The following AFF3 variants were observed in gnomAD, a reference collection of about 807,000 sequenced individuals.
The protein encoded by AFF3 is AF4/FMR2 family member 3.
In AFF3, 32 loss-of-function variants were observed where a neutral mutation model predicts 129.7. That is an observed-to-expected ratio of 0.25 (90% CI 0.19 to 0.33). The LOEUF (loss-of-function observed/expected upper bound fraction) is 0.33, where lower values mean the gene tolerates loss of function less well. Among genes scored for constraint, AFF3 ranks in the 10% least tolerant of loss-of-function variants. AFF3 has a pLI of 1.00. For synonymous variants in AFF3, 644 were observed against 635.4 expected, an observed-to-expected ratio of 1.01 and a Z score of -0.20; for missense variants, 1,373 against 1,592.0, an observed-to-expected ratio of 0.86 and a Z score of 2.34.
At chr2:100,089,050 C>T (rs980908516) in intron 4 of AFF3, among the ~76,000 whole-genome samples, 3 of 152,240 alleles carry the variant, frequency 2.0e-5, no homozygotes, top group Non-Finnish European at 4.4e-5. Context: ...GGCCTGAATA[C>T]AGACCCTGCC....
chr2:99,952,681 T>C (rs1050600738), intron 7 of AFF3, among the ~76,000 whole-genome samples: 8 of 152,234 alleles, frequency 5.3e-5, no homozygotes, highest in African/African-American at 1.9e-4. Flanking sequence ...ATACTATTTA[T>C]GATGAAAAGG....
At chr2:99,665,013 C>T (rs1057364280) in intron 12 of AFF3, among the ~76,000 whole-genome samples, 3 of 152,156 alleles carry the variant, frequency 2.0e-5, no homozygotes, top group African/African-American at 7.2e-5. Flanking sequence ...GTTAGCAAGG[C>T]AAAAGTGAGG....
At chr2:100,124,194 G>A (rs773142027) in intron 2 of AFF3, among the ~76,000 whole-genome samples, 2 of 152,076 alleles carry the variant, frequency 1.3e-5, no homozygotes, top group Admixed American at 6.6e-5. Flanking sequence ...TTGAAGATGC[G>A]TCTAGGAGAT....
intron 7 of AFF3, among the ~76,000 whole-genome samples, chr2:99,896,768 T>G (rs1693999859): frequency 6.6e-6 from 1 of 151,444 alleles, no homozygotes; most frequent in Non-Finnish European, 1.5e-5. Context: ...CCCCACTAGC[T>G]GGGACTACAG....
intron 11 of AFF3, among the ~76,000 whole-genome samples, chr2:99,697,728 T>C (rs1676435488): frequency 6.6e-6 from 1 of 152,222 alleles, no homozygotes; most frequent in African/African-American, 2.4e-5. Context: ...GTTCTAGCCC[T>C]AGTTCTGGTG....
chr2:99,804,844 T>C (rs1471647006), intron 8 of AFF3, among the ~76,000 whole-genome samples: 3 of 152,128 alleles, frequency 2.0e-5, no homozygotes, highest in Non-Finnish European at 4.4e-5. Flanking sequence ...GAAAACCAAG[T>C]ACCCTATATT....
chr2:99,777,620 A>G (rs1303817074), intron 8 of AFF3, among the ~76,000 whole-genome samples: 1 of 152,196 alleles, frequency 6.6e-6, no homozygotes, highest in Non-Finnish European at 1.5e-5. Flanking sequence ...GATGTTATGT[A>G]CAAGGCTCTT....
intron 4 of AFF3, among the ~76,000 whole-genome samples, chr2:100,076,987 A>G (rs532271804): frequency 1.1e-4 from 17 of 152,212 alleles, no homozygotes; most frequent in Admixed American, 7.8e-4. Flanking sequence ...AGTGGCTCAC[A>G]CCTGTAATCC....
rs1674384047 is a variant in AFF3, at chr2:99,551,243, CA to C, written c.*230del. The C allele has an allele frequency of 1.7e-6, 1 of 586,914 alleles. No individual in the cohort carries two copies. Among genetic ancestry groups the C allele is most frequent in the South Asian group, 2.5e-5 (1 of 40,322 alleles). The allele number at this position is 586,914 out of a possible 1,614,324, so 36.4% of individuals were successfully genotyped here. On this transcript the variant is annotated 3_prime_UTR_variant, in exon 25 of 25. Coordinates refer to ENST00000672756, the MANE Select transcript of AFF3 (RefSeq NM_001386135.1). ...CTAGCCTGGGATTATGGAAACTAGA[CA>C]AAGAAGGTGTGTTCTGAAGAGCTGT...
At chr2:99,660,762 C>A (rs1326792877) in intron 12 of AFF3, among the ~76,000 whole-genome samples, 1 of 152,204 alleles carries the variant, frequency 6.6e-6, no homozygotes, top group Non-Finnish European at 1.5e-5. Context: ...GCCTAACATT[C>A]TAGCCACTAT....
intron 10 of AFF3, among the ~76,000 whole-genome samples, chr2:99,738,673 C>T (rs771654666): frequency 2.6e-5 from 4 of 152,090 alleles, no homozygotes; most frequent in East Asian, 1.9e-4. Context: ...ATCAGTATTC[C>T]GATCAATTTT....
At chr2:99,786,907 A>C (rs1235942949) in intron 8 of AFF3, among the ~76,000 whole-genome samples, 1 of 152,112 alleles carries the variant, frequency 6.6e-6, no homozygotes, top group Non-Finnish European at 1.5e-5. Flanking sequence ...AATGCTTCTC[A>C]TACCATCTTA....
rs576795043 is a variant in AFF3 at position 99,928,142 on chromosome 2, C to T, written c.873+78490G>A. Among the ~76,000 whole-genome samples the T allele has an allele frequency of 2.0e-4, 31 of 152,292 alleles. 1 individual carries two copies. Among genetic ancestry groups the T allele is most frequent in the South Asian group, 2.1e-4 (1 of 4,828 alleles). ...CAATTAAACCTCTTTCGTTTGTAAA[C>T]TGCCCGGTCTCAGGTATGTCTTTTA... On this transcript the variant is annotated intron_variant, in intron 7 of 24. Coordinates refer to ENST00000672756, the MANE Select transcript of AFF3 (RefSeq NM_001386135.1).
intron 4 of AFF3, among the ~76,000 whole-genome samples, chr2:100,082,523 T>C (rs1360952046): frequency 6.6e-6 from 1 of 152,192 alleles, no homozygotes; most frequent in Non-Finnish European, 1.5e-5. Flanking sequence ...GTACTCTTGG[T>C]GTGTAGCCAG....
rs117466035 is a variant in AFF3 at position 100,069,048 on chromosome 2, G to A, written c.53+35354C>T. On this transcript the variant is annotated intron_variant, in intron 4 of 24. Coordinates refer to ENST00000672756, the MANE Select transcript of AFF3 (RefSeq NM_001386135.1). ...GGGGGTGTGTTGAACAGATTATCTT[G>A]TCACCCAGGTGTTAAGCCTAGTACT... Among the ~76,000 whole-genome samples, 127 of 152,088 alleles carry A rather than the reference G, an allele frequency of 8.4e-4. 2 individuals are homozygous for A. In the East Asian group the frequency reaches 0.023, roughly 28 times the overall value.
chr2:100,055,033 G>C (rs1686650987), intron 4 of AFF3, among the ~76,000 whole-genome samples: 1 of 152,140 alleles, frequency 6.6e-6, no homozygotes, highest in Non-Finnish European at 1.5e-5. Context: ...AGATTGCCTT[G>C]GTTGTTATTG....
chr2:100,129,693 C>G (rs1692341997), intron 1 of AFF3, among the ~76,000 whole-genome samples: 1 of 152,132 alleles, frequency 6.6e-6, no homozygotes, highest in African/African-American at 2.4e-5. Flanking sequence ...ATAATAAAAA[C>G]AGCTAATTTT....
chr2:99,697,120 C>T (rs1676365072), intron 11 of AFF3, among the ~76,000 whole-genome samples: 1 of 152,158 alleles, frequency 6.6e-6, no homozygotes, highest in Non-Finnish European at 1.5e-5. Context: ...AATCTCAGTC[C>T]AGGGCAAAAA....
chr2:99,677,436 G>A (rs896525592), intron 11 of AFF3, among the ~76,000 whole-genome samples: 1 of 152,144 alleles, frequency 6.6e-6, no homozygotes, highest in African/African-American at 2.4e-5. Flanking sequence ...GACACTTTAA[G>A]GACAGAAGCA....
Sources: allele counts gnomAD v4.1 joint callset (sites outside exome capture counted in the v4.1 genomes callset), GRCh38; gene constraint gnomAD v4.1.1; transcripts MANE v1.5; gene names NCBI Gene and HGNC (gene_info 2026-07-23, HGNC 2026-07-21).